The following FKBP5 variants were observed in gnomAD, a reference collection of about 807,000 sequenced individuals.
The protein encoded by FKBP5 is peptidyl-prolyl cis-trans isomerase FKBP5.
In FKBP5, 23 loss-of-function variants were observed where a neutral mutation model predicts 50.5. The ratio of observed to expected loss-of-function variants is 0.46; its 90% confidence interval spans 0.33 to 0.65. FKBP5 has a LOEUF of 0.65. FKBP5 is among the 30% of genes least tolerant of loss of function. The pLI is 0.02. For missense variants in FKBP5, 411 were observed against 553.1 expected, an observed-to-expected ratio of 0.74 and a Z score of 2.58; for synonymous variants, 176 against 190.6, an observed-to-expected ratio of 0.92 and a Z score of 0.63.
At chr6:35,586,093 A>C in intron 8 of FKBP5, 1 of 985,220 alleles carries the variant, frequency 1.0e-6, no homozygotes, top group Non-Finnish European at 1.2e-6. Context: ...AAACCTTGAC[A>C]GAACTCCCAT....
At chr6:35,663,446 G>C (rs1486363180) in intron 1 of FKBP5, among the ~76,000 whole-genome samples, 1 of 152,208 alleles carries the variant, frequency 6.6e-6, no homozygotes, top group Non-Finnish European at 1.5e-5. Context: ...ATGACAAGCA[G>C]ACTAGCTTTA....
intron 1 of FKBP5, among the ~76,000 whole-genome samples, chr6:35,723,667 A>G (rs550680981): frequency 6.6e-6 from 1 of 152,376 alleles, no homozygotes; most frequent in South Asian, 2.1e-4. Context: ...GAAGGTCAGA[A>G]AGACAAAATG....
At chr6:35,664,504 G>A (rs1037695000) in intron 1 of FKBP5, among the ~76,000 whole-genome samples, 1 of 152,172 alleles carries the variant, frequency 6.6e-6, no homozygotes, top group Non-Finnish European at 1.5e-5. Flanking sequence ...AAAACATCCA[G>A]CAAATACAGT....
chr6:35,653,714 A>T (rs1764875054), intron 1 of FKBP5, among the ~76,000 whole-genome samples: 1 of 152,168 alleles, frequency 6.6e-6, no homozygotes, highest in African/African-American at 2.4e-5. Flanking sequence ...GTGAATTTTG[A>T]AGTCTTCATC....
chr6:35,728,229 C>T (rs1467928705), intron 1 of FKBP5, among the ~76,000 whole-genome samples: 1 of 152,194 alleles, frequency 6.6e-6, no homozygotes, highest in Non-Finnish European at 1.5e-5. Context: ...TTGCAGCCTG[C>T]GGTCAGCGAC....
chr6:35,583,608 G>T (rs1762510918), intron 8 of FKBP5: 1 of 970,670 alleles, frequency 1.0e-6, no homozygotes, highest in African/African-American at 1.8e-5. Flanking sequence ...TGGCAGGTCT[G>T]GAGGCATTTT....
chr6:35,682,872 A>G (rs1765707488), intron 1 of FKBP5, among the ~76,000 whole-genome samples: 1 of 150,710 alleles, frequency 6.6e-6, no homozygotes, highest in Non-Finnish European at 1.5e-5. Context: ...ACCACACTTC[A>G]GCCTCGGTGA....
At chr6:35,638,000 T>C (rs1484933095) in intron 2 of FKBP5, among the ~76,000 whole-genome samples, 1 of 152,204 alleles carries the variant, frequency 6.6e-6, no homozygotes, top group African/African-American at 2.4e-5. Flanking sequence ...ACATAGTCTA[T>C]CTGTAAAAAA....
At chr6:35,609,280 G>T (rs917691842) in intron 5 of FKBP5, among the ~76,000 whole-genome samples, 2 of 152,002 alleles carry the variant, frequency 1.3e-5, no homozygotes, top group Non-Finnish European at 2.9e-5. Context: ...AAGAATATGA[G>T]TCTGCAAATT....
intron 9 of FKBP5, among the ~76,000 whole-genome samples, chr6:35,578,216 C>CA (rs1462292387): frequency 1.3e-5 from 2 of 151,816 alleles, no homozygotes; most frequent in Non-Finnish European, 2.9e-5. Flanking sequence ...GGCAGGGTCT[C>CA]ACTCTGTCGC....
At chr6:35,580,670 C>G (rs1762400668) in intron 8 of FKBP5, 1 of 166,666 alleles carries the variant, frequency 6.0e-6, no homozygotes, top group African/African-American at 2.4e-5. Flanking sequence ...TCCCGAGTAG[C>G]TGGGGACTAC....
chr6:35,722,468 C>T (rs1015660752), intron 1 of FKBP5, among the ~76,000 whole-genome samples: 8 of 152,142 alleles, frequency 5.3e-5, no homozygotes, highest in African/African-American at 1.2e-4. Context: ...CTGAAGCTCC[C>T]GGGCTGCAGG....
At chr6:35,607,153 G>C (rs1412793645) in intron 5 of FKBP5, among the ~76,000 whole-genome samples, 2 of 152,074 alleles carry the variant, frequency 1.3e-5, no homozygotes, top group African/African-American at 2.4e-5. Context: ...GGCCAGGCTG[G>C]TCTTGAACTC....
intron 9 of FKBP5, among the ~76,000 whole-genome samples, chr6:35,577,804 C>T (rs1315112798): frequency 1.3e-5 from 2 of 152,194 alleles, no homozygotes; most frequent in Non-Finnish European, 2.9e-5. Context: ...ACCCTAATCC[C>T]AGCACTTTGG....
At chr6:35,630,154 GGGA>G (rs1459542256) in intron 3 of FKBP5, among the ~76,000 whole-genome samples, 2 of 151,586 alleles carry the variant, frequency 1.3e-5, no homozygotes, top group Non-Finnish European at 2.9e-5. Flanking sequence ...GAGAGAAAGA[GGGA>G]GGAGGAGGAA....
intron 1 of FKBP5, among the ~76,000 whole-genome samples, chr6:35,667,821 T>C (rs1358108125): frequency 6.6e-6 from 1 of 151,294 alleles, no homozygotes; most frequent in African/African-American, 2.4e-5. Context: ...AAAAATCAAC[T>C]AGGCATGGTG....
intron 3 of FKBP5, among the ~76,000 whole-genome samples, chr6:35,635,323 C>T (rs1193040156): frequency 2.0e-5 from 3 of 151,930 alleles, no homozygotes; most frequent in Admixed American, 6.6e-5. Flanking sequence ...GGCAACAGAG[C>T]GAGCCAGACA....
At chr6:35,707,738 G>A (rs1766347069) in intron 2 of FKBP5, among the ~76,000 whole-genome samples, 2 of 152,028 alleles carry the variant, frequency 1.3e-5, no homozygotes, top group African/African-American at 4.8e-5. Flanking sequence ...CCCAGTATCT[G>A]TTGTTCCCCT....
At chr6:35,632,196 A>G (rs774606748) in intron 3 of FKBP5, among the ~76,000 whole-genome samples, 14 of 152,174 alleles carry the variant, frequency 9.2e-5, no homozygotes, top group Non-Finnish European at 1.3e-4. Context: ...AAGAGAAATC[A>G]TCACCTCTTC....
Sources: allele counts gnomAD v4.1 joint callset (sites outside exome capture counted in the v4.1 genomes callset), GRCh38; gene constraint gnomAD v4.1.1; transcripts MANE v1.5; gene names NCBI Gene and HGNC (gene_info 2026-07-23, HGNC 2026-07-21).